The following NSMCE2 variants were observed in gnomAD, a reference collection of about 807,000 sequenced individuals.
The protein encoded by NSMCE2 is NSE2 SUMO ligase component of SMC5/6 complex.
A neutral mutation model predicts 23.8 loss-of-function variants in NSMCE2; 24 were observed. That is an observed-to-expected ratio of 1.01 (90% CI 0.73 to 1.42). The LOEUF is 1.42. NSMCE2 is among the 40% of genes most tolerant of loss of function. The pLI is 0.00. For missense variants in NSMCE2, 284 were observed against 296.5 expected (o/e 0.96, Z 0.31); for synonymous variants, 92 against 94.1 (o/e 0.98, Z 0.13).
chr8:125,238,566 C>T (rs984550586), intron 5 of NSMCE2, among the ~76,000 whole-genome samples: 2 of 152,124 alleles, frequency 1.3e-5, no homozygotes, highest in African/African-American at 4.8e-5. Context: ...CTTCATTAAA[C>T]AGCATTTTTT....
chr8:125,311,545 G>T (rs4466418), intron 5 of NSMCE2, among the ~76,000 whole-genome samples: 1 of 152,024 alleles, frequency 6.6e-6, no homozygotes, highest in Non-Finnish European at 1.5e-5. Context: ...TTTATTCGTG[G>T]TATGTTGTGC....
chr8:125,355,871 G>A (rs548276571), intron 5 of NSMCE2, among the ~76,000 whole-genome samples: 8 of 152,186 alleles, frequency 5.3e-5, no homozygotes, highest in Admixed American at 3.3e-4. Flanking sequence ...GGGCCAATGG[G>A]ATGTAACTCA....
intron 4 of NSMCE2, among the ~76,000 whole-genome samples, chr8:125,152,338 G>A (rs1380341221): frequency 6.6e-6 from 1 of 152,154 alleles, no homozygotes; most frequent in Admixed American, 6.5e-5. Flanking sequence ...ACTTAGACTA[G>A]AGGCTTTCAA....
chr8:125,342,870 C>T (rs933237161), intron 5 of NSMCE2, among the ~76,000 whole-genome samples: 1 of 152,188 alleles, frequency 6.6e-6, no homozygotes, highest in African/African-American at 2.4e-5. Context: ...GGGGATTTCA[C>T]CCACATTGTT....
intron 5 of NSMCE2, among the ~76,000 whole-genome samples, chr8:125,291,481 CA>C (rs1163785631): frequency 2.0e-5 from 3 of 152,064 alleles, no homozygotes; most frequent in Non-Finnish European, 4.4e-5. Flanking sequence ...AATGATTAAT[CA>C]AGTGCACAAT....
intron 1 of NSMCE2, chr8:125,094,614 A>G (rs944213625): frequency 6.6e-6 from 1 of 152,248 alleles, no homozygotes; most frequent in African/African-American, 2.4e-5. Context: ...ATTAATCTTC[A>G]TAGATACTGT....
chr8:125,289,584 A>G (rs577324765), intron 5 of NSMCE2, among the ~76,000 whole-genome samples: 1 of 152,360 alleles, frequency 6.6e-6, no homozygotes, highest in South Asian at 2.1e-4. Context: ...CATTTAGAAC[A>G]GAGACCAAGT....
chr8:125,153,108 A>G (rs1212973621), intron 4 of NSMCE2, among the ~76,000 whole-genome samples: 1 of 151,426 alleles, frequency 6.6e-6, no homozygotes, highest in African/African-American at 2.4e-5. Context: ...CCTTCAGGAC[A>G]TTGAGTCACT....
intron 5 of NSMCE2, among the ~76,000 whole-genome samples, chr8:125,245,018 C>T (rs959826506): frequency 6.6e-6 from 1 of 152,180 alleles, no homozygotes; most frequent in African/African-American, 2.4e-5. Context: ...CTCTGTGGCT[C>T]ACACCTGTAA....
intron 4 of NSMCE2, among the ~76,000 whole-genome samples, chr8:125,176,435 A>C (rs1275488344): frequency 6.6e-6 from 1 of 152,114 alleles, no homozygotes; most frequent in Non-Finnish European, 1.5e-5. Flanking sequence ...AAAATGTGAT[A>C]TCCTCCAGAG....
intron 1 of NSMCE2, among the ~76,000 whole-genome samples, chr8:125,101,724 T>C (rs1181766536): frequency 3.3e-5 from 5 of 152,194 alleles, no homozygotes; most frequent in African/African-American, 1.2e-4. Flanking sequence ...ACTGAAACTG[T>C]TATAGTGGAT....
intron 5 of NSMCE2, among the ~76,000 whole-genome samples, chr8:125,337,898 A>AG (rs1193022403): frequency 6.6e-5 from 10 of 151,428 alleles, no homozygotes; most frequent in South Asian, 2.1e-4. Context: ...AAAAAAAAAA[A>AG]AAAAAAAGAA....
intron 5 of NSMCE2, among the ~76,000 whole-genome samples, chr8:125,193,386 T>G (rs1392302993): frequency 6.6e-6 from 1 of 152,224 alleles, no homozygotes; most frequent in African/African-American, 2.4e-5. Context: ...CACTTCTGTT[T>G]AAAAATTAGC....
intron 5 of NSMCE2, among the ~76,000 whole-genome samples, chr8:125,266,703 G>A (rs141348664): frequency 1.8e-3 from 280 of 152,232 alleles, no homozygotes; most frequent in South Asian, 3.5e-3. Flanking sequence ...TACCTGTTGG[G>A]GATGAATAGC....
At chr8:125,136,341 A>T (rs1820065994) in intron 3 of NSMCE2, among the ~76,000 whole-genome samples, 1 of 152,222 alleles carries the variant, frequency 6.6e-6, no homozygotes, top group Admixed American at 6.5e-5. Context: ...CAAAGATTGA[A>T]ATTAAGGCAG....
intron 5 of NSMCE2, among the ~76,000 whole-genome samples, chr8:125,351,879 G>T (rs1217240991): frequency 6.6e-6 from 1 of 152,076 alleles, no homozygotes; most frequent in Admixed American, 6.6e-5. Flanking sequence ...CAGGCATGAT[G>T]GTGGGTGCCT....
At chr8:125,246,853 A>G (rs1825986283) in intron 5 of NSMCE2, among the ~76,000 whole-genome samples, 1 of 152,154 alleles carries the variant, frequency 6.6e-6, no homozygotes, top group Non-Finnish European at 1.5e-5. Context: ...AATCAAGGTA[A>G]TTAACATATC....
At chr8:125,319,136 G>C (rs1225046865) in intron 5 of NSMCE2, among the ~76,000 whole-genome samples, 1 of 152,146 alleles carries the variant, frequency 6.6e-6, no homozygotes, top group Non-Finnish European at 1.5e-5. Flanking sequence ...GGTTACTTTT[G>C]CTTCAGTAGT....
chr8:125,347,536 G>A lies in NSMCE2; in HGVS notation c.419-9683G>A, dbSNP rs1586803573. ...TTTGTATCTATACCTGGAATTTGGTGTAGTGCATGGCACAGAGTAAGTGTT... is the reference window on the plus strand; with the variant it reads ...TTTGTATCTATACCTGGAATTTGGTATAGTGCATGGCACAGAGTAAGTGTT... On this transcript the variant is annotated intron_variant, in intron 5 of 7. Coordinates refer to ENST00000287437, the MANE Select transcript of NSMCE2 (RefSeq NM_173685.4). 7.2e-5 allele frequency among the ~76,000 whole-genome samples: 11 copies of A among 152,310 alleles called. No individual in the cohort carries two copies. In the South Asian group the frequency reaches 2.3e-3, roughly 32 times the overall value.
Sources: allele counts gnomAD v4.1 joint callset (sites outside exome capture counted in the v4.1 genomes callset), GRCh38; gene constraint gnomAD v4.1.1; transcripts MANE v1.5; gene names NCBI Gene and HGNC (gene_info 2026-07-23, HGNC 2026-07-21).